CLSTN2: variants seen among roughly 807,000 people sequenced by gnomAD.
CLSTN2 encodes calsyntenin-2.
A neutral mutation model predicts 101.2 loss-of-function variants in CLSTN2; 48 were observed. That is an observed-to-expected ratio of 0.47 (90% CI 0.38 to 0.60). The LOEUF is 0.60. CLSTN2 is among the 20% of genes least tolerant of loss of function. The probability of loss-of-function intolerance (pLI) is 0.00; values close to 1 mark genes in which losing one functional copy is unlikely to be tolerated. For missense variants in CLSTN2, 1,160 were observed against 1,238.2 expected, an observed-to-expected ratio of 0.94 and a Z score of 0.95; for synonymous variants, 481 against 463.6, an observed-to-expected ratio of 1.04 and a Z score of -0.48.
chr3:140,438,928 C>G (rs2088715475), intron 5 of CLSTN2, among the ~76,000 whole-genome samples: 1 of 152,162 alleles, frequency 6.6e-6, no homozygotes, highest in Non-Finnish European at 1.5e-5. Context: ...GCAGCCGAGC[C>G]TTGGGTGGGT....
intron 1 of CLSTN2, among the ~76,000 whole-genome samples, chr3:140,157,263 G>GGGA (rs1268862463): frequency 6.6e-6 from 1 of 151,994 alleles, no homozygotes; most frequent in Non-Finnish European, 1.5e-5. Flanking sequence ...GAATTGGTTA[G>GGGA]GGAGGAGCTC....
chr3:140,372,062 A>G (rs1220545778), intron 2 of CLSTN2, among the ~76,000 whole-genome samples: 1 of 152,208 alleles, frequency 6.6e-6, no homozygotes, highest in African/African-American at 2.4e-5. Flanking sequence ...GGATATCCCA[A>G]ACCTGAAAGA....
chr3:140,325,680 T>C (rs1294528075), intron 2 of CLSTN2, among the ~76,000 whole-genome samples: 1 of 152,222 alleles, frequency 6.6e-6, no homozygotes, highest in Non-Finnish European at 1.5e-5. Context: ...CTCTTCTTTA[T>C]TTTAAAAGTG....
At chr3:140,241,957 G>T (rs1355178379) in intron 2 of CLSTN2, among the ~76,000 whole-genome samples, 1 of 151,470 alleles carries the variant, frequency 6.6e-6, no homozygotes, top group Non-Finnish European at 1.5e-5. Context: ...GCCCAGGCTG[G>T]AGTGCAATGG....
intron 8 of CLSTN2, among the ~76,000 whole-genome samples, chr3:140,497,186 T>C (rs946474125): frequency 6.6e-6 from 1 of 151,576 alleles, no homozygotes; most frequent in Non-Finnish European, 1.5e-5. Context: ...CTCGTGCAGA[T>C]AGCTTGGACT....
Position 140,176,443 on chromosome 3 carries a change from G to A in CLSTN2, c.232+370G>A, listed in dbSNP as rs376681981. On this transcript the variant is annotated intron_variant, in intron 2 of 16. Transcript: ENST00000458420. Reference sequence around the variant, plus strand: ...GACTACCCACATGTAATTGATAAGTGGAGACTCATAGCTTGGTACATTGGC... The same window carrying A: ...GACTACCCACATGTAATTGATAAGTAGAGACTCATAGCTTGGTACATTGGC... Among the ~76,000 whole-genome samples, 27 of 152,262 alleles carry A rather than the reference G, an allele frequency of 1.8e-4. 1 individual carries two copies. The highest frequency in any genetic ancestry group is 1.1e-3 in the Admixed American group (17 of 15,302).
intron 8 of CLSTN2, among the ~76,000 whole-genome samples, chr3:140,478,931 T>C (rs1292211751): frequency 6.6e-6 from 1 of 151,812 alleles, no homozygotes; most frequent in Non-Finnish European, 1.5e-5. Context: ...TCTCTGAGCC[T>C]AAGGTGTTAG....
chr3:140,342,405 T>C (rs2107936920), intron 2 of CLSTN2, among the ~76,000 whole-genome samples: 1 of 152,256 alleles, frequency 6.6e-6, no homozygotes, highest in South Asian at 2.1e-4. Flanking sequence ...TTCTAGGTCC[T>C]GTACAGTGAA....
intron 9 of CLSTN2, among the ~76,000 whole-genome samples, chr3:140,533,240 G>T (rs138629161): frequency 1.3e-5 from 2 of 152,276 alleles, no homozygotes; most frequent in African/African-American, 4.8e-5. Context: ...TAAGGGCTGG[G>T]TATGCTTTGA....
chr3:140,355,312 A>G (rs2087657884), intron 2 of CLSTN2, among the ~76,000 whole-genome samples: 1 of 152,218 alleles, frequency 6.6e-6, no homozygotes, highest in Admixed American at 6.5e-5. Context: ...AAATTTGTCT[A>G]CAATTTTCTG....
chr3:140,372,304 C>T (rs987842445), intron 2 of CLSTN2, among the ~76,000 whole-genome samples: 1 of 152,198 alleles, frequency 6.6e-6, no homozygotes, highest in African/African-American at 2.4e-5. Flanking sequence ...TTTAATTGTG[C>T]TGAGCTGTCT....
intron 10 of CLSTN2, among the ~76,000 whole-genome samples, chr3:140,552,828 C>G (rs1457157258): frequency 6.6e-6 from 1 of 152,278 alleles, no homozygotes; most frequent in Non-Finnish European, 1.5e-5. Flanking sequence ...GGACAGATAG[C>G]AACAGCACAA....
chr3:140,382,377 A>T (rs947160289), intron 2 of CLSTN2, among the ~76,000 whole-genome samples: 1 of 152,212 alleles, frequency 6.6e-6, no homozygotes, highest in African/African-American at 2.4e-5. Flanking sequence ...GGAAACAGTC[A>T]CTATTCCCCA....
At chr3:140,003,958 G>A (rs572188733) in intron 1 of CLSTN2, among the ~76,000 whole-genome samples, 206 of 151,858 alleles carry the variant, frequency 1.4e-3, no homozygotes, top group Admixed American at 1.7e-3. Context: ...AAATTTTCTC[G>A]CCTCTTCATA....
At chr3:140,101,831 C>T (rs769265934) in intron 1 of CLSTN2, among the ~76,000 whole-genome samples, 2 of 152,098 alleles carry the variant, frequency 1.3e-5, no homozygotes, top group African/African-American at 2.4e-5. Flanking sequence ...CTTTTAACTG[C>T]GCTGGCCCAG....
intron 2 of CLSTN2, among the ~76,000 whole-genome samples, chr3:140,305,081 T>TTC (rs1022977111): frequency 5.6e-5 from 8 of 143,680 alleles, no homozygotes; most frequent in Non-Finnish European, 7.7e-5. Flanking sequence ...CTGTCTCTCT[T>TTC]TCTCTCTCTC....
chr3:139,983,194 C>T (rs553158603), intron 1 of CLSTN2, among the ~76,000 whole-genome samples: 49 of 151,970 alleles, frequency 3.2e-4, no homozygotes, highest in African/African-American at 1.1e-3. Flanking sequence ...TCATATATTT[C>T]GATTGGCGAA....
chr3:140,153,489 T>C (rs958473882), intron 1 of CLSTN2, among the ~76,000 whole-genome samples: 13 of 152,240 alleles, frequency 8.5e-5, no homozygotes, highest in African/African-American at 3.1e-4. Context: ...CTCCACCAGC[T>C]AGGGCAGCCA....
intron 2 of CLSTN2, among the ~76,000 whole-genome samples, chr3:140,371,425 G>T (rs1335343360): frequency 1.3e-5 from 2 of 152,216 alleles, no homozygotes; most frequent in Non-Finnish European, 2.9e-5. Flanking sequence ...GACTGACCAT[G>T]TTGTTACAGT....
Sources: gnomAD v4.1 joint callset for allele counts (sites outside exome capture counted in the v4.1 genomes callset) on GRCh38, gnomAD v4.1.1 for gene constraint, MANE v1.5 for transcripts, NCBI Gene and HGNC (gene_info 2026-07-23, HGNC 2026-07-21) for gene names.